RBM38: variants seen among roughly 807,000 people sequenced by gnomAD.
The protein encoded by RBM38 is RNA-binding protein 38.
Under a neutral mutation model 23.5 loss-of-function variants are expected in RBM38, and 11 were observed. The observed-to-expected ratio is 0.47, with a 90% CI of 0.29 to 0.77. The LOEUF is 0.77. Ranked by LOEUF, RBM38 falls within the 30% of genes least tolerant of loss-of-function variation. The pLI, the probability that RBM38 is intolerant of heterozygous loss-of-function variation, is 0.08. For synonymous variants in RBM38, 165 were observed against 166.1 expected (o/e 0.99, Z 0.05); for missense variants, 330 against 351.9 (o/e 0.94, Z 0.50).
intron 3 of RBM38, among the ~76,000 whole-genome samples, chr20:57,401,444 C>T (rs2067327150): frequency 6.6e-6 from 1 of 152,230 alleles, no homozygotes. Flanking sequence ...TCTCTGCCTT[C>T]TTGGGGCAGG....
In RBM38 at chr20:57,407,618, G is replaced by T. The variant is rs745698732; in HGVS notation, c.492G>T (p.Ser164=). Residue 164 remains serine (S), a synonymous_variant, in exon 4 of 4, where the codon TCG becomes TCT. Transcript: ENST00000356208. This position sits in a 1 kb window ranked among gnomAD's most constrained non-coding sequence, Gnocchi z 4.0. ...TGATCCCAGCCGCCCCTGTCCCGTC[G>T]CTGTCCTCGCCCTACATTGAGTACA... is the stretch of plus-strand genomic sequence containing the variant. ...SVVIPAAPVP[S]LSSPYIEYTP... 3.1e-6 allele frequency: 5 copies of T among 1,613,538 alleles called. No individual in the cohort carries two copies. In the Admixed American group the frequency reaches 8.3e-5, roughly 27 times the overall value.
intron 3 of RBM38, among the ~76,000 whole-genome samples, chr20:57,404,073 TGA>T (rs1298855486): frequency 6.6e-6 from 1 of 152,244 alleles, no homozygotes. Context: ...CGCTTGTGTT[TGA>T]GTGTCCCTGA....
rs2067228785 is a variant in RBM38, at chr20:57,392,383, C to A, written c.238-271C>A. ...AAGCTCCCTTCGGGGTTCATTTTTGCCCTATCCCCGCAGGGGATTATTTTT... is the reference window on the plus strand; with the variant it reads ...AAGCTCCCTTCGGGGTTCATTTTTGACCTATCCCCGCAGGGGATTATTTTT... On this transcript the variant is annotated intron_variant, in intron 1 of 3. Transcript: ENST00000356208. 3 of 1,497,206 alleles carry A rather than the reference C, an allele frequency of 2.0e-6. No individual in the cohort carries two copies. In the South Asian group the frequency reaches 3.6e-5, roughly 18 times the overall value. 92.7% of individuals were successfully genotyped at this position (1,497,206 alleles called of 1,614,324 possible).
Sources: gnomAD v4.1 joint callset for allele counts (sites outside exome capture counted in the v4.1 genomes callset) on GRCh38, gnomAD v4.1.1 for gene constraint, Gnocchi (gnomAD v3.1) non-coding constraint, MANE v1.5 for transcripts, NCBI Gene and HGNC (gene_info 2026-07-23, HGNC 2026-07-21) for gene names.